The following MGST1 variants were observed in gnomAD, a reference collection of about 807,000 sequenced individuals.
MGST1 encodes glutathione S-transferase 12.
Under a neutral mutation model 8.9 loss-of-function variants are expected in MGST1, and 5 were observed. That is an observed-to-expected ratio of 0.56 (90% CI 0.29 to 1.19). The LOEUF is 1.19. MGST1 is among the 50% of genes most tolerant of loss of function. MGST1 has a pLI of 0.08. For missense variants in MGST1, 182 were observed against 187.4 expected, an observed-to-expected ratio of 0.97 and a Z score of 0.17; for synonymous variants, 54 against 67.8, an observed-to-expected ratio of 0.80 and a Z score of 1.00.
At chr12:16,377,379 G>A (rs370215905), downstream of MGST1, among the ~76,000 whole-genome samples, 3 of 142,844 alleles carry the variant, frequency 2.1e-5, no homozygotes, top group South Asian at 6.6e-4. Flanking sequence ...TCCCACCTAT[G>A]AGTGAGAACA....
intron 4 of MGST1, among the ~76,000 whole-genome samples, chr12:16,483,294 T>C (rs1037645942): frequency 5.9e-5 from 9 of 152,028 alleles, no homozygotes; most frequent in Non-Finnish European, 8.8e-5. Context: ...TGATGTGCCC[T>C]TAATAATTTT....
chr12:16,543,181 A>C (rs1305350112), intron 4 of MGST1, among the ~76,000 whole-genome samples: 1 of 152,204 alleles, frequency 6.6e-6, no homozygotes, highest in Non-Finnish European at 1.5e-5. Flanking sequence ...TAAATGTCTG[A>C]ATGACTCACT....
At chr12:16,471,910 TACAC>T (rs970338625) in intron 4 of MGST1, among the ~76,000 whole-genome samples, 1 of 135,486 alleles carries the variant, frequency 7.4e-6, no homozygotes, top group Non-Finnish European at 1.7e-5. Flanking sequence ...AGAGCTCACA[TACAC>T]ACACATACAC....
intron 1 of MGST1, among the ~76,000 whole-genome samples, chr12:16,387,181 C>T (rs941301940): frequency 2.0e-5 from 3 of 151,948 alleles, no homozygotes; most frequent in Admixed American, 6.6e-5. Flanking sequence ...TAGTGCATGA[C>T]ATACATGTAT....
intron 1 of MGST1, chr12:16,402,301 C>G: frequency 1.3e-6 from 2 of 1,593,778 alleles, no homozygotes; most frequent in Non-Finnish European, 1.7e-6. Flanking sequence ...ATTTCTTCAT[C>G]AACACCCACT....
At position 16,546,652 on chromosome 12, in the gene MGST1, GC is replaced by G. The variant is rs1345816863; in HGVS notation, n.483-42875del. On this transcript the variant is annotated intron_variant and non_coding_transcript_variant, in intron 4 of 4. Coordinates refer to the MGST1 transcript ENST00000538857. The surrounding 1 kb of genome is among the most constrained non-coding windows in gnomAD (Gnocchi z 4.7). ...TCAGTGTGTGTAATTGTTAACACCT[GC>G]TATGTGTTACCAACAGATGTTTCTT... Among the ~76,000 whole-genome samples the G allele has an allele frequency of 6.6e-6, 1 of 152,066 alleles. No individual in the cohort carries two copies. Among genetic ancestry groups the G allele is most frequent in the Non-Finnish European group, 1.5e-5 (1 of 67,992 alleles).
At position 16,537,434 on chromosome 12, in the gene MGST1, A is replaced by G. The variant is rs1229762279; in HGVS notation, n.483-52094A>G. Among the ~76,000 whole-genome samples the G allele has an allele frequency of 6.6e-6, 1 of 152,280 alleles. No individual in the cohort carries two copies. Among genetic ancestry groups the G allele is most frequent in the Non-Finnish European group, 1.5e-5 (1 of 68,024 alleles). Reference sequence around the variant, plus strand: ...GATCTACCATTCTGGGATCTGGAGCATGGTGGCCCTCTTCTCACAGCTCCA... The same window carrying G: ...GATCTACCATTCTGGGATCTGGAGCGTGGTGGCCCTCTTCTCACAGCTCCA... On this transcript the variant is annotated intron_variant and non_coding_transcript_variant, in intron 4 of 4. Coordinates refer to the MGST1 transcript ENST00000538857. The surrounding 1 kb of genome is among the most constrained non-coding windows in gnomAD (Gnocchi z 4.6).
In MGST1 at chr12:16,578,354, C is replaced by A. The variant is rs553607002; in HGVS notation, n.483-11174C>A. 9.2e-5 allele frequency among the ~76,000 whole-genome samples: 14 copies of A among 152,118 alleles called. No homozygotes were observed. In the South Asian group the frequency reaches 2.9e-3, roughly 32 times the overall value. On this transcript the variant is annotated intron_variant and non_coding_transcript_variant, in intron 4 of 4. Transcript: ENST00000538857. The stretch of plus-strand genomic sequence containing the variant: ...GAACAATATAAATTAAAAATAACTT[C>A]CTACTTTTAACTCTACATGGGGTAG...
At chr12:16,472,779 T>A (rs1941296942) in intron 4 of MGST1, among the ~76,000 whole-genome samples, 1 of 152,104 alleles carries the variant, frequency 6.6e-6, no homozygotes, top group Non-Finnish European at 1.5e-5. Flanking sequence ...AGGTAAGCAG[T>A]TGAAAATGAT....
chr12:16,591,479 C>G (rs1428562519), downstream of MGST1, among the ~76,000 whole-genome samples: 1 of 151,898 alleles, frequency 6.6e-6, no homozygotes, highest in African/African-American at 2.4e-5. The surrounding 1 kb of genome is among the most constrained non-coding windows in gnomAD (Gnocchi z 4.1). Flanking sequence ...TTGTTGATTA[C>G]CTATTTCCCC....
intron 1 of MGST1, among the ~76,000 whole-genome samples, chr12:16,349,909 T>TA (rs1345645680): frequency 2.6e-5 from 4 of 152,036 alleles, no homozygotes; most frequent in Admixed American, 6.6e-5. Flanking sequence ...CACGCCCAGC[T>TA]AATTTTTTGT....
At chr12:16,416,613 T>C (rs1940789981) in intron 1 of MGST1, among the ~76,000 whole-genome samples, 1 of 152,110 alleles carries the variant, frequency 6.6e-6, no homozygotes, top group Non-Finnish European at 1.5e-5. Context: ...TCATGAGGGC[T>C]CCATCTTTAT....
intron 1 of MGST1, chr12:16,350,771 C>T (rs1035474870): frequency 3.3e-5 from 5 of 152,212 alleles, no homozygotes; most frequent in Non-Finnish European, 7.3e-5. Flanking sequence ...AAGATGTTAC[C>T]CTGGAGAGAT....
chr12:16,423,082 C>G (rs1940852284), intron 1 of MGST1, among the ~76,000 whole-genome samples: 1 of 152,170 alleles, frequency 6.6e-6, no homozygotes, highest in Non-Finnish European at 1.5e-5. Context: ...TAAGCCACAG[C>G]CTGGAAACTC....
intron 4 of MGST1, among the ~76,000 whole-genome samples, chr12:16,568,868 C>G (rs1942710783): frequency 6.6e-6 from 1 of 152,056 alleles, no homozygotes; most frequent in Non-Finnish European, 1.5e-5. Context: ...CCAAAATTTT[C>G]TAACTGAAAT....
At chr12:16,474,215 C>T (rs1293247095) in intron 4 of MGST1, among the ~76,000 whole-genome samples, 11 of 152,064 alleles carry the variant, frequency 7.2e-5, no homozygotes, top group Admixed American at 7.2e-4. Flanking sequence ...GTTTTGTATT[C>T]CTATTTAAAC....
chr12:16,552,342 G>A (rs1942020498), intron 4 of MGST1, among the ~76,000 whole-genome samples: 1 of 151,986 alleles, frequency 6.6e-6, no homozygotes, highest in Admixed American at 6.6e-5. Context: ...TTTGATAGTA[G>A]TCTCTCTTTA....
chr12:16,518,787 G>T (rs1019121982), intron 4 of MGST1, among the ~76,000 whole-genome samples: 1 of 152,126 alleles, frequency 6.6e-6, no homozygotes, highest in African/African-American at 2.4e-5. Flanking sequence ...AGAAAACTAC[G>T]TGGTTTAGGT....
chr12:16,411,220 CCACA>C (rs1940740531), intron 1 of MGST1, among the ~76,000 whole-genome samples: 1 of 152,176 alleles, frequency 6.6e-6, no homozygotes, highest in Non-Finnish European at 1.5e-5. Context: ...GAGGGCAGAA[CCACA>C]TCCATTGAGC....
Sources: gnomAD v4.1 joint callset for allele counts (sites outside exome capture counted in the v4.1 genomes callset) on GRCh38, gnomAD v4.1.1 for gene constraint, Gnocchi (gnomAD v3.1) non-coding constraint, MANE v1.5 for transcripts, NCBI Gene and HGNC (gene_info 2026-07-23, HGNC 2026-07-21) for gene names.